MEGF10: variants seen among roughly 807,000 people sequenced by gnomAD.
The protein encoded by MEGF10 is multiple epidermal growth factor-like domains protein 10.
Under a neutral mutation model 147.5 loss-of-function variants are expected in MEGF10, and 86 were observed. That is an observed-to-expected ratio of 0.58 (90% CI 0.49 to 0.70). MEGF10 has a LOEUF of 0.70. Ranked by LOEUF, MEGF10 falls within the 30% of genes least tolerant of loss-of-function variation. The probability of loss-of-function intolerance (pLI) is 0.00; values close to 1 mark genes in which losing one functional copy is unlikely to be tolerated. For missense variants in MEGF10, 1,329 were observed against 1,487.3 expected (o/e 0.89, Z 1.75); for synonymous variants, 478 against 525.5 (o/e 0.91, Z 1.24).
At chr5:127,253,027 C>T in the MEGF10 span, among the ~76,000 whole-genome samples, 562 of 151,836 alleles carry the variant, frequency 3.7e-3, 2 homozygotes, top group African/African-American at 0.012. Context: ...CTCATAAACA[C>T]GGATACAAAC....
intron 2 of MEGF10, among the ~76,000 whole-genome samples, chr5:127,337,055 G>A (rs977937604): frequency 2.0e-5 from 3 of 152,066 alleles, no homozygotes; most frequent in Admixed American, 6.6e-5. Context: ...GAGTTTATTC[G>A]GGCGCAAAAT....
intron 5 of MEGF10, among the ~76,000 whole-genome samples, chr5:127,382,429 A>G (rs1763296445): frequency 1.3e-5 from 2 of 152,208 alleles, no homozygotes; most frequent in African/African-American, 4.8e-5. Context: ...GCTTGTAAAG[A>G]AAGTCTAAAT....
intron 1 of MEGF10, among the ~76,000 whole-genome samples, chr5:127,307,065 A>T (rs1211701743): frequency 2.6e-5 from 4 of 152,180 alleles, no homozygotes; most frequent in African/African-American, 9.7e-5. Context: ...CATGGCCTTG[A>T]ATGAAACAAC....
At chr5:127,438,669 AG>A in intron 17 of MEGF10, 102 bp downstream of exon 17, 1 of 1,294,790 alleles carries the variant, frequency 7.7e-7, no homozygotes. Flanking sequence ...AAGGTCCCTG[AG>A]GTTGGAGTAC....
At chr5:127,377,699 G>A (rs757214168) in intron 5 of MEGF10, among the ~76,000 whole-genome samples, 1 of 152,178 alleles carries the variant, frequency 6.6e-6, no homozygotes, top group Admixed American at 6.5e-5. Flanking sequence ...GAAACATAAG[G>A]CACAAAAAGC....
At position 127,340,626 on chromosome 5, in the gene MEGF10, T is replaced by C; in HGVS notation, c.315T>C (p.Cys105=). 1 of 1,611,938 alleles carries C rather than the reference T, an allele frequency of 6.2e-7. No homozygotes were observed. Among genetic ancestry groups the C allele is most frequent in the Non-Finnish European group, 8.5e-7 (1 of 1,178,348 alleles). ...CPGFYESGEM[C]VPHCADKCVH... ...GATTTTATGAAAGCGGGGAAATGTGTGTCCGTAAGTAAGACTGTCACCCCT... is the reference window on the plus strand; with the variant it reads ...GATTTTATGAAAGCGGGGAAATGTGCGTCCGTAAGTAAGACTGTCACCCCT... Residue 105 remains cysteine (C), a synonymous_variant, in exon 4 of 25, where the codon TGT becomes TGC. Transcript: ENST00000503335.
the MEGF10 span, among the ~76,000 whole-genome samples, chr5:127,246,370 C>T: frequency 2.6e-5 from 4 of 152,024 alleles, no homozygotes; most frequent in African/African-American, 7.2e-5. Flanking sequence ...AACCAAACAC[C>T]GCATGTTCTC....
chr5:127,451,715 G>C (rs1766160952), intron 22 of MEGF10, among the ~76,000 whole-genome samples: 1 of 152,214 alleles, frequency 6.6e-6, no homozygotes, highest in Non-Finnish European at 1.5e-5. Flanking sequence ...AGACCCAAGG[G>C]ACTGAGTGTT....
chr5:127,303,335 CAAAA>C (rs1174955274), intron 1 of MEGF10, among the ~76,000 whole-genome samples: 3 of 50,624 alleles, frequency 5.9e-5, no homozygotes, highest in Admixed American at 2.2e-4. Flanking sequence ...GACTCCATGT[CAAAA>C]AAAAAAAAAA....
intron 13 of MEGF10, among the ~76,000 whole-genome samples, chr5:127,426,859 G>A (rs567828978): frequency 3.3e-5 from 5 of 152,300 alleles, no homozygotes; most frequent in South Asian, 4.1e-4. Context: ...CTGGGAACAT[G>A]TGCAGTGTCC....
At chr5:127,270,424 G>A in the MEGF10 span, among the ~76,000 whole-genome samples, 1 of 152,122 alleles carries the variant, frequency 6.6e-6, no homozygotes, top group East Asian at 1.9e-4. Context: ...AAAGGCAGGG[G>A]TTGCAATCCT....
chr5:127,290,195 G>C (rs1439265503), upstream of MEGF10, among the ~76,000 whole-genome samples: 1 of 152,000 alleles, frequency 6.6e-6, no homozygotes, highest in Non-Finnish European at 1.5e-5. Context: ...TTCTCTCTCC[G>C]CCCCTCCATG....
At chr5:127,257,500 T>G in the MEGF10 span, among the ~76,000 whole-genome samples, 1 of 152,130 alleles carries the variant, frequency 6.6e-6, no homozygotes, top group African/African-American at 2.4e-5. Flanking sequence ...AGCGCCATAT[T>G]TTGTGGTACT....
chr5:127,385,934 G>T (rs1364412285), intron 5 of MEGF10, among the ~76,000 whole-genome samples: 1 of 152,114 alleles, frequency 6.6e-6, no homozygotes, highest in Non-Finnish European at 1.5e-5. Flanking sequence ...GTGAGACCTT[G>T]TCTCTACAAA....
At chr5:127,447,464 A>G in intron 20 of MEGF10, 93 bp from the exon 21 acceptor site, 2 of 1,558,070 alleles carry the variant, frequency 1.3e-6, no homozygotes, top group East Asian at 2.3e-5. Flanking sequence ...GGCGTGAGCC[A>G]CCTCGCTGGG....
At chr5:127,308,195 G>A (rs1441947561) in intron 1 of MEGF10, among the ~76,000 whole-genome samples, 3 of 152,130 alleles carry the variant, frequency 2.0e-5, no homozygotes, top group South Asian at 2.1e-4. Flanking sequence ...TAGCAATTAC[G>A]AGAGAGGAGA....
the MEGF10 span, among the ~76,000 whole-genome samples, chr5:127,276,724 T>C: frequency 1.3e-5 from 2 of 152,136 alleles, no homozygotes; most frequent in African/African-American, 4.8e-5. Context: ...GTACACAAAA[T>C]AGGCAAAGAT....
At chr5:127,232,324 C>T in the MEGF10 span, among the ~76,000 whole-genome samples, 261 of 152,312 alleles carry the variant, frequency 1.7e-3, 4 homozygotes, top group Non-Finnish European at 1.2e-3. Context: ...AAATTATCTT[C>T]CTCATTTTGC....
At chr5:127,440,985 C>G in intron 18 of MEGF10, 118 bp downstream of exon 18, 1 of 1,310,714 alleles carries the variant, frequency 7.6e-7, no homozygotes, top group Non-Finnish European at 1.0e-6. Context: ...GAGCTGATGG[C>G]TGGTTACTTC....
Sources: gnomAD v4.1 joint callset for allele counts (sites outside exome capture counted in the v4.1 genomes callset) on GRCh38, gnomAD v4.1.1 for gene constraint, MANE v1.5 for transcripts, NCBI Gene and HGNC (gene_info 2026-07-23, HGNC 2026-07-21) for gene names.